The following SV2C variants were observed in gnomAD, a reference collection of about 807,000 sequenced individuals.
SV2C encodes the protein synaptic vesicle glycoprotein 2C, also known as solute carrier family 22 member B3.
A neutral mutation model predicts 79.7 loss-of-function variants in SV2C; 49 were observed. The observed-to-expected ratio is 0.61, with a 90% CI of 0.49 to 0.78. The LOEUF (loss-of-function observed/expected upper bound fraction) is 0.78, where lower values mean the gene tolerates loss of function less well. Ranked by LOEUF, SV2C falls within the 30% of genes least tolerant of loss-of-function variation. SV2C has a pLI of 0.00. For missense variants in SV2C, 833 were observed against 912.9 expected (o/e 0.91, Z 1.13); for synonymous variants, 334 against 333.2 (o/e 1.00, Z -0.03).
chr5:76,306,279 C>A (rs564249127), intron 12 of SV2C, among the ~76,000 whole-genome samples: 1 of 152,188 alleles, frequency 6.6e-6, no homozygotes, highest in South Asian at 2.1e-4. Flanking sequence ...TGGTCTCAAA[C>A]TCCTGGCCTC....
intron 4 of SV2C, among the ~76,000 whole-genome samples, chr5:76,270,602 C>T (rs889151674): frequency 6.6e-6 from 1 of 152,134 alleles, no homozygotes; most frequent in African/African-American, 2.4e-5. Context: ...AGCTATGACA[C>T]TACAGAATAG....
chr5:76,325,220 G>T, intron 12 of SV2C, 144 bp from the exon 13 acceptor site: 3 of 824,388 alleles, frequency 3.6e-6, no homozygotes, highest in East Asian at 5.2e-5. Context: ...TCTACTCCCA[G>T]ATTTGCTAAC....
intron 4 of SV2C, among the ~76,000 whole-genome samples, chr5:76,249,899 A>G (rs183035378): frequency 2.0e-5 from 3 of 152,282 alleles, no homozygotes; most frequent in African/African-American, 7.2e-5. Context: ...ACAGCAGCTC[A>G]ATTTTGTGCC....
intron 1 of SV2C, among the ~76,000 whole-genome samples, chr5:76,088,682 C>T (rs941242889): frequency 6.6e-6 from 1 of 152,162 alleles, no homozygotes; most frequent in African/African-American, 2.4e-5. Flanking sequence ...AGCAGACATA[C>T]TTACATTATT....
chr5:76,045,954 T>C, the SV2C span, among the ~76,000 whole-genome samples: 1 of 152,164 alleles, frequency 6.6e-6, no homozygotes, highest in Non-Finnish European at 1.5e-5. Flanking sequence ...CAAATACTTT[T>C]AGAGCATCTA....
At chr5:75,942,040 A>G in the SV2C span, among the ~76,000 whole-genome samples, 9 of 152,280 alleles carry the variant, frequency 5.9e-5, 1 homozygote, top group South Asian at 1.0e-3. Context: ...TGTCTATCCA[A>G]TGAATTCTCT....
intron 2 of SV2C, among the ~76,000 whole-genome samples, chr5:76,161,060 G>T (rs1269658852): frequency 6.6e-6 from 1 of 151,986 alleles, no homozygotes. Context: ...CAAAAGTCAT[G>T]GAAAAACAAA....
the SV2C span, among the ~76,000 whole-genome samples, chr5:75,860,984 T>C: frequency 2.6e-5 from 4 of 152,164 alleles, no homozygotes; most frequent in African/African-American, 9.7e-5. Flanking sequence ...ATAAGAATCT[T>C]AGAAGAAAAC....
At chr5:76,344,153 CCT>C (rs1749494407) in intron 12 of SV2C, among the ~76,000 whole-genome samples, 2 of 152,314 alleles carry the variant, frequency 1.3e-5, no homozygotes, top group East Asian at 1.9e-4. Flanking sequence ...TCTACTTCTC[CCT>C]GTTTTCCAGC....
At chr5:76,048,578 G>T in the SV2C span, among the ~76,000 whole-genome samples, 1 of 151,818 alleles carries the variant, frequency 6.6e-6, no homozygotes, top group Non-Finnish European at 1.5e-5. Flanking sequence ...CCTTTAAAAA[G>T]GTGATGAAGT....
intron 4 of SV2C, among the ~76,000 whole-genome samples, chr5:76,210,963 A>T (rs757328646): frequency 1.3e-5 from 2 of 152,176 alleles, no homozygotes; most frequent in Non-Finnish European, 2.9e-5. Flanking sequence ...TGTGCTATCA[A>T]TGCTGGGGAT....
intron 2 of SV2C, among the ~76,000 whole-genome samples, chr5:76,160,843 C>T (rs1014148932): frequency 6.6e-6 from 1 of 152,134 alleles, no homozygotes; most frequent in African/African-American, 2.4e-5. Flanking sequence ...CCCTTCAAGG[C>T]CCCTAGGATG....
intron 2 of SV2C, among the ~76,000 whole-genome samples, chr5:76,157,831 ATAAT>A (rs1444871492): frequency 2.6e-5 from 4 of 151,882 alleles, no homozygotes; most frequent in East Asian, 1.9e-4. Flanking sequence ...ATATAATGTA[ATAAT>A]TAATAAGAAT....
chr5:76,173,793 CT>C (rs749431583), intron 2 of SV2C: 1 of 1,605,962 alleles, frequency 6.2e-7, no homozygotes, highest in South Asian at 1.1e-5. Context: ...AGATTTTGAC[CT>C]TGTTCCTTCC....
chr5:75,895,796 G>T, the SV2C span, among the ~76,000 whole-genome samples: 1 of 152,046 alleles, frequency 6.6e-6, no homozygotes, highest in Non-Finnish European at 1.5e-5. Flanking sequence ...GAGCTTGGGG[G>T]CTCTGTCTTG....
the SV2C span, among the ~76,000 whole-genome samples, chr5:75,972,508 C>G: frequency 6.6e-5 from 10 of 151,998 alleles, no homozygotes; most frequent in South Asian, 8.3e-4. Flanking sequence ...CCATCAAAAA[C>G]TGGGCGAAGG....
At chr5:76,089,719 T>C (rs1747308026) in intron 1 of SV2C, among the ~76,000 whole-genome samples, 1 of 152,240 alleles carries the variant, frequency 6.6e-6, no homozygotes, top group Non-Finnish European at 1.5e-5. Flanking sequence ...ATAATCACCA[T>C]TCTGACTGGT....
chr5:76,310,264 AGCATAGAGAATGCTGGGG>A (rs1445391143), intron 12 of SV2C, among the ~76,000 whole-genome samples: 2 of 152,228 alleles, frequency 1.3e-5, no homozygotes, highest in Non-Finnish European at 2.9e-5. Context: ...AGCTACGTGG[AGCATAGAGAATGCTGGGG>A]TAAGGAGAGT....
In SV2C at chr5:76,132,838, A is replaced by T. The variant is rs551252375; in HGVS notation, c.580+508A>T. Among the ~76,000 whole-genome samples, 47 of 152,162 alleles carry T rather than the reference A, an allele frequency of 3.1e-4. 1 individual carries two copies. The South Asian group carries it at 9.7e-3, about 32-fold the overall frequency. ...ATAACTTTAATTTTTTCTATTATCT[A>T]TGTGTATGTTTGCTTAGATTTTCAA... On this transcript the variant is annotated intron_variant, in intron 2 of 12. Transcript: ENST00000502798.
Sources: allele counts gnomAD v4.1 joint callset (sites outside exome capture counted in the v4.1 genomes callset), GRCh38; gene constraint gnomAD v4.1.1; transcripts MANE v1.5; gene names NCBI Gene and HGNC (gene_info 2026-07-23, HGNC 2026-07-21).